The following PTPRD variants were observed in gnomAD, a reference collection of about 807,000 sequenced individuals.
PTPRD encodes receptor-type tyrosine-protein phosphatase delta.
In PTPRD, 34 loss-of-function variants were observed where a neutral mutation model predicts 214.5. The observed-to-expected ratio is 0.16, with a 90% confidence interval of 0.12 to 0.21. The LOEUF (loss-of-function observed/expected upper bound fraction) is 0.21. PTPRD is among the 10% of genes least tolerant of loss of function. The pLI, the probability that PTPRD is intolerant of heterozygous loss-of-function variation, is 1.00. For missense variants in PTPRD, 2,545 were observed against 2,398.7 expected (o/e 1.06, Z -1.27); for synonymous variants, 1,128 against 845.7 (o/e 1.33, Z -5.79).
At chr9:9,755,834 C>A (rs1026441026) in intron 6 of PTPRD, among the ~76,000 whole-genome samples, 1 of 151,908 alleles carries the variant, frequency 6.6e-6, no homozygotes, top group Non-Finnish European at 1.5e-5. Flanking sequence ...TAAAATTATA[C>A]CTGTAATTAC....
intron 2 of PTPRD, among the ~76,000 whole-genome samples, chr9:10,600,182 A>G (rs1156715680): frequency 6.6e-6 from 1 of 151,802 alleles, no homozygotes; most frequent in African/African-American, 2.4e-5. Context: ...TGTTTAAACC[A>G]TTATATAAAT....
chr9:8,585,083 G>A (rs937742548), intron 14 of PTPRD, among the ~76,000 whole-genome samples: 1 of 152,096 alleles, frequency 6.6e-6, no homozygotes, highest in Non-Finnish European at 1.5e-5. Flanking sequence ...AGGGGACACA[G>A]CCAAACCACT....
rs2138897994 is a variant in PTPRD at position 8,521,468 on chromosome 9, C to T, written c.770G>A (p.Cys257Tyr). 1 of 1,614,018 alleles carries T rather than the reference C, an allele frequency of 6.2e-7. No individual in the cohort carries two copies. The highest frequency in any genetic ancestry group is 8.5e-7 in the Non-Finnish European group (1 of 1,179,942). ...AGGCATTGGTGACCCCACGGCCACA[C>T]AGGTGATATTAACGCTTCCGCCTGG... is the stretch of plus-strand genomic sequence containing the variant. ...IMPGGSVNIT[C>Y]VAVGSPMPYV... The change falls in exon 20 of 46, where the codon TGT becomes TAT. Residue 257 changes from cysteine (C) to tyrosine (Y), a missense_variant. Coordinates refer to ENST00000381196, the MANE Select transcript of PTPRD (RefSeq NM_002839.4).
chr9:8,722,343 G>C (rs994308023), intron 12 of PTPRD, among the ~76,000 whole-genome samples: 1 of 152,014 alleles, frequency 6.6e-6, no homozygotes, highest in African/African-American at 2.4e-5. Flanking sequence ...GTAGGCAAGG[G>C]AGCCATTATT....
intron 2 of PTPRD, among the ~76,000 whole-genome samples, chr9:10,405,401 T>C (rs1356723544): frequency 6.6e-6 from 1 of 151,686 alleles, no homozygotes; most frequent in East Asian, 1.9e-4. Flanking sequence ...GTAAACTTTC[T>C]GGTCCTGGAG....
chr9:8,593,590 G>C (rs769870320), intron 14 of PTPRD, among the ~76,000 whole-genome samples: 8 of 152,190 alleles, frequency 5.3e-5, no homozygotes, highest in Non-Finnish European at 1.0e-4. Flanking sequence ...TACCAATGTG[G>C]AGTAGACAGT....
intron 8 of PTPRD, among the ~76,000 whole-genome samples, chr9:9,545,186 T>C (rs2078492270): frequency 6.6e-6 from 1 of 151,774 alleles, no homozygotes; most frequent in African/African-American, 2.4e-5. Context: ...GTTCACTCTA[T>C]GCATGAGTTC....
At chr9:9,261,647 C>CGTGTGT (rs5896314) in intron 9 of PTPRD, among the ~76,000 whole-genome samples, 11,516 of 148,082 alleles carry the variant, frequency 0.078, 456 homozygotes, top group Middle Eastern at 0.16. Context: ...TGTGCATGCA[C>CGTGTGT]GTGTGTGTGT....
chr9:9,208,082 C>T lies in PTPRD; in HGVS notation c.-202-24719G>A, dbSNP rs972290791. Among the ~76,000 whole-genome samples the T allele has an allele frequency of 3.2e-5, 4 of 124,062 alleles. No homozygotes were observed. In the Admixed American group the frequency reaches 4.1e-4, roughly 13 times the overall value. The allele number at this position is 124,062 out of a possible 152,430, so 81.4% of individuals were successfully genotyped here. A position where few individuals can be genotyped will look rare whatever the true frequency, so the allele number is the denominator to read the frequency against. On this transcript the variant is annotated intron_variant, in intron 9 of 45. Transcript: ENST00000381196. ...TCTCCCAGTCTGGAGTGCAGTGGTG[C>T]GATCTCACTGCAAGCTCCGCCTCCC...
At chr9:10,514,121 A>C (rs2049188726) in intron 2 of PTPRD, among the ~76,000 whole-genome samples, 1 of 152,286 alleles carries the variant, frequency 6.6e-6, no homozygotes, top group Admixed American at 6.5e-5. Flanking sequence ...AAGTGAGTAA[A>C]GGTCAGTTTA....
At chr9:9,845,816 C>A (rs2059420794) in intron 5 of PTPRD, among the ~76,000 whole-genome samples, 1 of 152,008 alleles carries the variant, frequency 6.6e-6, no homozygotes, top group South Asian at 2.1e-4. Flanking sequence ...GCAAACCTGG[C>A]AATAGCTAGC....
intron 37 of PTPRD, among the ~76,000 whole-genome samples, chr9:8,385,862 A>G (rs1365474213): frequency 6.6e-6 from 1 of 152,146 alleles, no homozygotes; most frequent in Non-Finnish European, 1.5e-5. Context: ...CTCTTGAATA[A>G]AATGCATGGG....
chr9:9,216,924 T>A (rs150416347), intron 9 of PTPRD, among the ~76,000 whole-genome samples: 2 of 152,298 alleles, frequency 1.3e-5, no homozygotes, highest in African/African-American at 4.8e-5. Context: ...TTCTGAATTA[T>A]TTCTATTTTT....
At chr9:8,320,355 G>C (rs886717748) in intron 44 of PTPRD, among the ~76,000 whole-genome samples, 6 of 152,062 alleles carry the variant, frequency 3.9e-5, no homozygotes, top group African/African-American at 1.4e-4. Flanking sequence ...AGAATAAGGT[G>C]AAGTGAATTT....
chr9:9,299,301 G>GC (rs768055852), intron 9 of PTPRD, among the ~76,000 whole-genome samples: 1 of 151,742 alleles, frequency 6.6e-6, no homozygotes, highest in African/African-American at 2.4e-5. Context: ...GGGTGATTTT[G>GC]CCCCCCAGAG....
At chr9:9,753,747 T>C (rs574975677) in intron 6 of PTPRD, among the ~76,000 whole-genome samples, 3 of 152,050 alleles carry the variant, frequency 2.0e-5, no homozygotes, top group South Asian at 2.1e-4. Flanking sequence ...GGTGTAATTA[T>C]TGGGCCTCTA....
chr9:9,994,647 G>C (rs868683718), intron 4 of PTPRD, among the ~76,000 whole-genome samples: 7 of 152,136 alleles, frequency 4.6e-5, no homozygotes, highest in African/African-American at 1.7e-4. Flanking sequence ...AAGAGAGAAA[G>C]TGGGGATATA....
At chr9:8,849,456 G>A (rs2097770924) in intron 11 of PTPRD, among the ~76,000 whole-genome samples, 1 of 152,096 alleles carries the variant, frequency 6.6e-6, no homozygotes, top group South Asian at 2.1e-4. Context: ...TCGATCTCCT[G>A]ACCTCGTGAT....
chr9:10,109,088 C>G (rs573937791), intron 3 of PTPRD, among the ~76,000 whole-genome samples: 1 of 152,198 alleles, frequency 6.6e-6, no homozygotes, highest in African/African-American at 2.4e-5. Flanking sequence ...AAAAAAGAAA[C>G]AATGTGAACA....
Sources: allele counts gnomAD v4.1 joint callset (sites outside exome capture counted in the v4.1 genomes callset), GRCh38; gene constraint gnomAD v4.1.1; transcripts MANE v1.5; gene names NCBI Gene and HGNC (gene_info 2026-07-23, HGNC 2026-07-21).